ATP5MC1: variants seen among roughly 807,000 people sequenced by gnomAD.
ATP5MC1 encodes the protein ATP synthase F(0) complex subunit C1, mitochondrial.
In ATP5MC1, 4 loss-of-function variants were observed where a neutral mutation model predicts 12.1. The ratio of observed to expected loss-of-function variants is 0.33; its 90% CI spans 0.16 to 0.76. ATP5MC1 has a LOEUF of 0.76. Ranked by LOEUF, ATP5MC1 falls within the 30% of genes least tolerant of loss-of-function variation. The probability of loss-of-function intolerance (pLI) is 0.61; values close to 1 mark genes in which losing one functional copy is unlikely to be tolerated. For synonymous variants in ATP5MC1, 52 were observed against 66.0 expected (o/e 0.79, Z 1.03); for missense variants, 117 against 172.1 (o/e 0.68, Z 1.79).
chr17:48,893,391 T>C lies in ATP5MC1; in HGVS notation c.-9-18T>C. On this transcript the variant is annotated intron_variant, in intron 1 of 4. Transcript: ENST00000393366. ...GGTCTCAGTGGGATTATTATTACTATTTTTTCCCCCTCTGCAGACTGAAAA... is the reference window on the plus strand; with the variant it reads ...GGTCTCAGTGGGATTATTATTACTACTTTTTCCCCCTCTGCAGACTGAAAA... 1 of 1,612,510 alleles carries C rather than the reference T, an allele frequency of 6.2e-7. No homozygotes were observed. The highest frequency in any genetic ancestry group is 1.1e-5 in the South Asian group (1 of 90,972).
chr17:48,893,340 G>T lies in ATP5MC1; in HGVS notation c.-9-69G>T, dbSNP rs1430683313. ...GACGGGGGTGAAGGGGACGACCAAA[G>T]GTCGTCATTATAAGCAAACAACCAG... On this transcript the variant is annotated intron_variant, in intron 1 of 4. Coordinates refer to ENST00000393366, the MANE Select transcript of ATP5MC1 (RefSeq NM_005175.3). 44 of 1,547,706 alleles carry T rather than the reference G, an allele frequency of 2.8e-5. No individual in the cohort carries two copies. The South Asian group carries it at 5.0e-4, about 17-fold the overall frequency.
At chr17:48,894,913 A>C in intron 3 of ATP5MC1, 1 of 643,248 alleles carries the variant, frequency 1.6e-6, no homozygotes, top group Non-Finnish European at 2.9e-6. Context: ...CCTTGTAGGT[A>C]AGAAACTTAT....
Position 48,895,206 on chromosome 17 carries a change from C to T in ATP5MC1, c.168C>T (p.Thr56=), listed in dbSNP as rs1803175. The T allele has an allele frequency of 1.2e-6, 2 of 1,612,044 alleles. No individual in the cohort carries two copies. The highest frequency in any genetic ancestry group is 2.2e-5 in the East Asian group (1 of 44,834). ...AGGTGGCCAGACGGGAGTTCCAGAC[C>T]AGTGTTGTCTCCCGGGACATTGACA... ...PLQVARREFQ[T]SVVSRDIDTA... is the part of the protein sequence containing the mutation. The change falls in exon 4 of 5, where the codon ACC becomes ACT. Residue 56 remains threonine (T), a synonymous_variant. Transcript: ENST00000393366.
chr17:48,895,375 CACCCCGTTTGGGGAAGCCTCA>C, intron 4 of ATP5MC1, 41 bp downstream of exon 4: 1 of 1,547,046 alleles, frequency 6.5e-7, no homozygotes, highest in Non-Finnish European at 8.8e-7. Context: ...CTGTAAATTC[CACCCCGTTTGGGGAAGCCTCA>C]GCTGGAGGAG....
chr17:48,895,142 G>A lies in ATP5MC1; in HGVS notation c.118-14G>A, dbSNP rs777971276. The A allele has an allele frequency of 3.8e-6, 6 of 1,595,138 alleles. No homozygotes were observed. The South Asian group carries it at 5.5e-5, about 15-fold the overall frequency. Reference sequence around the variant, plus strand: ...ATCTCTCTGCTATCTCGCCTGCCTTGCTTCTCTTTCTAGCCTTCCTACAGC... The same window carrying A: ...ATCTCTCTGCTATCTCGCCTGCCTTACTTCTCTTTCTAGCCTTCCTACAGC... On this transcript the variant is annotated splice_polypyrimidine_tract_variant and intron_variant, in intron 3 of 4. Transcript: ENST00000393366.
In ATP5MC1 at chr17:48,895,662, T is replaced by C. The variant is rs145199121; in HGVS notation, c.304T>C (p.Ser102Pro). The C allele has an allele frequency of 8.6e-5, 138 of 1,613,658 alleles. No individual in the cohort carries two copies. The South Asian group carries it at 9.3e-4, about 11-fold the overall frequency. The stretch of plus-strand genomic sequence containing the variant: ...GATCTCTGTCCCTCCCAGGAACCCG[T>C]CTCTCAAGCAGCAGCTCTTCTCCTA... ...SLIIGYARNP[S>P]LKQQLFSYAI... Residue 102 changes from serine to proline, a missense_variant, in exon 5 of 5, where the codon TCT becomes CCT. By Grantham distance (74) the Ser-to-Pro change is moderately conservative (BLOSUM62 -1). Transcript: ENST00000393366.
At chr17:48,894,075 C>T (rs984063371) in intron 2 of ATP5MC1, 5 of 336,322 alleles carry the variant, frequency 1.5e-5, no homozygotes, top group African/African-American at 1.1e-4. Flanking sequence ...CTTTCCTGTA[C>T]CTGCTTTGGT....
At chr17:48,894,497 G>T in intron 3 of ATP5MC1, 48 bp downstream of exon 3, 1 of 1,581,368 alleles carries the variant, frequency 6.3e-7, no homozygotes, top group Non-Finnish European at 8.7e-7. Context: ...GCCCAGGATG[G>T]TGGCTCACAC....
chr17:48,895,553 T>G, intron 4 of ATP5MC1, 102 bp from the exon 5 acceptor site: 10 of 1,326,230 alleles, frequency 7.5e-6, no homozygotes, highest in Non-Finnish European at 1.1e-5. Context: ...GGCTAGGCCC[T>G]CTCCCAGGAG....
At chr17:48,894,526 G>C in intron 3 of ATP5MC1, 77 bp downstream of exon 3, 3 of 1,449,020 alleles carry the variant, frequency 2.1e-6, no homozygotes, top group Non-Finnish European at 1.9e-6. Context: ...CCAGCTCTTT[G>C]AGAGGCTGAG....
In ATP5MC1 at chr17:48,894,913, A is replaced by G. The variant is rs993654769; in HGVS notation, c.118-243A>G. ...GTCCCCCAAGGTAAGCCTTGTAGGTAAGAAACTTATAAAAGTGAGGTGTGC... is the reference window on the plus strand; with the variant it reads ...GTCCCCCAAGGTAAGCCTTGTAGGTGAGAAACTTATAAAAGTGAGGTGTGC... On this transcript the variant is annotated intron_variant, in intron 3 of 4. Transcript: ENST00000393366. 4.7e-6 allele frequency: 3 copies of G among 643,130 alleles called. No individual in the cohort carries two copies. The African/African-American group carries it at 5.4e-5, about 12-fold the overall frequency. The allele number at this position is 643,130 out of a possible 1,614,324, so 39.8% of individuals were successfully genotyped here.
chr17:48,893,966 G>C (rs918270745), intron 2 of ATP5MC1: 6 of 207,024 alleles, frequency 2.9e-5, no homozygotes, highest in African/African-American at 1.4e-4. Flanking sequence ...TCGGTTTCCG[G>C]GGCTGACTGG....
intron 2 of ATP5MC1, 153 bp from the exon 3 acceptor site, chr17:48,894,219 G>T (rs2040552730): frequency 2.8e-6 from 2 of 718,916 alleles, no homozygotes; most frequent in Admixed American, 2.3e-5. Flanking sequence ...CTGTCTCTGG[G>T]GCAGGCCTAT....
At chr17:48,893,628 A>G (rs1346435764) in intron 2 of ATP5MC1, 172 bp downstream of exon 2, 1 of 733,840 alleles carries the variant, frequency 1.4e-6, no homozygotes, top group Non-Finnish European at 2.3e-6. Context: ...GAACCAAGCT[A>G]TCTTGGCTTT....
At chr17:48,894,151 G>T in intron 2 of ATP5MC1, 1 of 500,454 alleles carries the variant, frequency 2.0e-6, no homozygotes, top group Non-Finnish European at 3.6e-6. Flanking sequence ...AGTGAACTTT[G>T]GTTTGGTTTT....
At chr17:48,895,456 A>G in intron 4 of ATP5MC1, 122 bp downstream of exon 4, 1 of 1,429,136 alleles carries the variant, frequency 7.0e-7, no homozygotes, top group Non-Finnish European at 9.4e-7. Flanking sequence ...TAGTTTCTCC[A>G]GAGAAAACAT....
In ATP5MC1 at chr17:48,895,665, C is replaced by G; in HGVS notation, c.307C>G (p.Leu103Val). Reference protein sequence around the residue: ...LIIGYARNPSLKQQLFSYAIL... With the variant: ...LIIGYARNPSVKQQLFSYAIL... ...CTCTGTCCCTCCCAGGAACCCGTCT[C>G]TCAAGCAGCAGCTCTTCTCCTATGC... The change falls in exon 5 of 5, where the codon CTC becomes GTC. Residue 103 changes from leucine (L) to valine (V), a missense_variant. By Grantham distance (32) the Leu-to-Val change is conservative (BLOSUM62 1). Transcript: ENST00000393366. 3 of 1,613,912 alleles carry G rather than the reference C, an allele frequency of 1.9e-6. No individual in the cohort carries two copies. Among genetic ancestry groups the G allele is most frequent in the Non-Finnish European group, 1.7e-6 (2 of 1,179,882 alleles).
intron 2 of ATP5MC1, 108 bp downstream of exon 2, chr17:48,893,564 C>T (rs748345657): frequency 7.1e-6 from 9 of 1,271,196 alleles, no homozygotes; most frequent in Non-Finnish European, 1.0e-5. Flanking sequence ...GATGTAGGCT[C>T]TTTGAGGTGG....
rs973068205 is a variant in ATP5MC1, at chr17:48,894,704, A to T, written c.117+255A>T. 74 of 504,722 alleles carry T rather than the reference A, an allele frequency of 1.5e-4. 2 individuals carry two copies. The highest frequency in any genetic ancestry group is 2.2e-5 in the Non-Finnish European group (6 of 274,506). 31.3% of individuals were successfully genotyped at this position (504,722 alleles called of 1,614,324 possible). On this transcript the variant is annotated intron_variant, in intron 3 of 4. Coordinates refer to ENST00000393366, the MANE Select transcript of ATP5MC1 (RefSeq NM_005175.3). ...GGATTGGTTAATCCCAGAGGTCGAG[A>T]CTGCTGTGACTATGCCACTGCACTC...
Sources: gnomAD v4.1 joint callset for allele counts on GRCh38, gnomAD v4.1.1 for gene constraint, MANE v1.5 for transcripts, NCBI Gene and HGNC (gene_info 2026-07-23, HGNC 2026-07-21) for gene names.